Variants in GRM8 observed in about 807,000 individuals in gnomAD.
GRM8 encodes metabotropic glutamate receptor 8.
In GRM8, 47 loss-of-function variants were observed where a neutral mutation model predicts 87.2. That is an observed-to-expected ratio of 0.54 (90% CI 0.43 to 0.69). The LOEUF (loss-of-function observed/expected upper bound fraction) is 0.69, where lower values mean the gene tolerates loss of function less well. GRM8 is among the 30% of genes least tolerant of loss of function. GRM8 has a pLI of 0.00. For synonymous variants in GRM8, 396 were observed against 404.5 expected, an observed-to-expected ratio of 0.98 and a Z score of 0.25; for missense variants, 1,019 against 1,139.2, an observed-to-expected ratio of 0.89 and a Z score of 1.52.
intron 3 of GRM8, among the ~76,000 whole-genome samples, chr7:126,939,611 G>A (rs1438015454): frequency 6.6e-6 from 1 of 152,116 alleles, no homozygotes; most frequent in Non-Finnish European, 1.5e-5. Context: ...TAAGAAAATT[G>A]TGCCTGCATG....
At chr7:126,744,644 A>G (rs1181245729) in intron 7 of GRM8, among the ~76,000 whole-genome samples, 2 of 152,070 alleles carry the variant, frequency 1.3e-5, no homozygotes, top group Non-Finnish European at 2.9e-5. Context: ...GAACTGTCTC[A>G]GAAAACTGAA....
At position 126,589,226 on chromosome 7, in the gene GRM8, G is replaced by A. The variant is rs546493504; in HGVS notation, c.1494+20136C>T. On this transcript the variant is annotated intron_variant, in intron 8 of 10. Transcript: ENST00000339582. ...CTCAGCTGGGAGGCTGGTAGCCTGG[G>A]GCAAGTTCTTAGCCCTGCTTGCCCA... Among the ~76,000 whole-genome samples the A allele has an allele frequency of 8.5e-5, 13 of 152,240 alleles. No individual in the cohort carries two copies. In the South Asian group the frequency reaches 2.7e-3, roughly 32 times the overall value.
At chr7:126,886,150 A>G (rs11767521) in intron 6 of GRM8, among the ~76,000 whole-genome samples, 13,963 of 152,168 alleles carry the variant, frequency 0.092, 683 homozygotes, top group Middle Eastern at 0.16. Context: ...TATTGAAGAT[A>G]GGGGTCATTT....
chr7:127,232,552 T>C (rs1172392382), intron 2 of GRM8, among the ~76,000 whole-genome samples: 2 of 152,198 alleles, frequency 1.3e-5, no homozygotes, highest in South Asian at 2.1e-4. Context: ...ACCTGGCCCA[T>C]CAGTTCTGTT....
Position 127,190,862 on chromosome 7 carries a change from A to G in GRM8, c.510+51833T>C, listed in dbSNP as rs181618522. Among the ~76,000 whole-genome samples the G allele has an allele frequency of 1.8e-3, 274 of 152,280 alleles. 1 individual carries two copies. The highest frequency in any genetic ancestry group is 6.1e-3 in the African/African-American group (254 of 41,564). On this transcript the variant is annotated intron_variant, in intron 2 of 10. Coordinates refer to ENST00000339582, the MANE Select transcript of GRM8 (RefSeq NM_000845.3). ...TAAATATTAGCTTGAGGTAAAAAAAATCATGCTGTGAATGAATTGATTTCT... is the reference window on the plus strand; with the variant it reads ...TAAATATTAGCTTGAGGTAAAAAAAGTCATGCTGTGAATGAATTGATTTCT...
At chr7:126,736,048 G>A (rs1483768937) in intron 7 of GRM8, among the ~76,000 whole-genome samples, 1 of 152,030 alleles carries the variant, frequency 6.6e-6, no homozygotes, top group Non-Finnish European at 1.5e-5. Flanking sequence ...GAAGGCTGAT[G>A]TAAGCTCTGG....
chr7:126,676,362 A>C (rs948853010), intron 7 of GRM8, among the ~76,000 whole-genome samples: 3 of 152,186 alleles, frequency 2.0e-5, no homozygotes, highest in Admixed American at 6.5e-5. Flanking sequence ...TTTTCACAGA[A>C]CTAAAAAATA....
chr7:126,703,815 G>GC (rs1810202246), intron 7 of GRM8, among the ~76,000 whole-genome samples: 1 of 152,062 alleles, frequency 6.6e-6, no homozygotes, highest in Admixed American at 6.6e-5. Flanking sequence ...TCCAGCCTTG[G>GC]CCCCCCAGCG....
At chr7:126,450,411 C>T (rs879801432) in intron 9 of GRM8, among the ~76,000 whole-genome samples, 15 of 151,734 alleles carry the variant, frequency 9.9e-5, no homozygotes, top group African/African-American at 3.6e-4. Flanking sequence ...TTAATCTTAC[C>T]ACTTTGTTTT....
At chr7:126,792,345 T>A (rs934892674) in intron 6 of GRM8, among the ~76,000 whole-genome samples, 1 of 152,218 alleles carries the variant, frequency 6.6e-6, no homozygotes, top group Non-Finnish European at 1.5e-5. Flanking sequence ...GTGGTCTCTG[T>A]ACTAGCAACA....
chr7:126,787,176 T>C (rs570257153), intron 6 of GRM8, among the ~76,000 whole-genome samples: 1 of 152,340 alleles, frequency 6.6e-6, no homozygotes, highest in South Asian at 2.1e-4. Context: ...TGACTGATAA[T>C]GCCCGGGTGT....
chr7:126,682,731 C>T (rs539050522), intron 7 of GRM8, among the ~76,000 whole-genome samples: 1 of 152,300 alleles, frequency 6.6e-6, no homozygotes, highest in African/African-American at 2.4e-5. Flanking sequence ...CAAAGCTTAA[C>T]ATATTTATTA....
At chr7:126,938,151 A>G (rs1364464170) in intron 3 of GRM8, among the ~76,000 whole-genome samples, 1 of 152,144 alleles carries the variant, frequency 6.6e-6, no homozygotes, top group Non-Finnish European at 1.5e-5. Context: ...CATGTTTATA[A>G]AGGAAATTTT....
intron 9 of GRM8, among the ~76,000 whole-genome samples, chr7:126,475,542 A>C (rs1386970261): frequency 6.6e-6 from 1 of 152,174 alleles, no homozygotes; most frequent in Non-Finnish European, 1.5e-5. Context: ...CATACTATCC[A>C]ACATGATCTA....
intron 2 of GRM8, among the ~76,000 whole-genome samples, chr7:127,224,437 A>C (rs1797180629): frequency 6.6e-6 from 1 of 152,208 alleles, no homozygotes; most frequent in Non-Finnish European, 1.5e-5. Context: ...TCAATCCAAA[A>C]TTCTATATCC....
chr7:126,713,896 C>G lies in GRM8; in HGVS notation c.1357+55969G>C, dbSNP rs141519618. ...TACACCTTGAATATATTCAATCTTT[C>G]TTAATTAAACATTTTTAAATTAAAT... On this transcript the variant is annotated intron_variant, in intron 7 of 10. Coordinates refer to ENST00000339582, the MANE Select transcript of GRM8 (RefSeq NM_000845.3). Among the ~76,000 whole-genome samples the G allele has an allele frequency of 2.8e-3, 430 of 151,836 alleles. 7 individuals are homozygous for G. The highest frequency in any genetic ancestry group is 9.9e-3 in the African/African-American group (409 of 41,376).
intron 6 of GRM8, among the ~76,000 whole-genome samples, chr7:126,861,985 T>G (rs573182060): frequency 6.6e-6 from 1 of 151,934 alleles, no homozygotes; most frequent in African/African-American, 2.4e-5. Flanking sequence ...TTTGTTTGGG[T>G]TTTGTTTGTT....
Position 127,106,583 on chromosome 7 carries a change from C to T in GRM8, c.640G>A (p.Gly214Arg). ...QAMVDIVTALGWNYVSTLASE... is the reference protein window; with the variant it reads ...QAMVDIVTALRWNYVSTLASE... The stretch of plus-strand genomic sequence containing the variant: ...GCCAGTGTCGAAACATAATTCCATC[C>T]CAGTGCTGTCACGATGTCCACCATG... Residue 214 changes from glycine to arginine, a missense_variant, in exon 3 of 11, where the codon GGA (glycine) becomes AGA (arginine). Coordinates refer to ENST00000339582, the MANE Select transcript of GRM8 (RefSeq NM_000845.3). 2 of 1,614,098 alleles carry T rather than the reference C, an allele frequency of 1.2e-6. No homozygotes were observed. The highest frequency in any genetic ancestry group is 8.5e-7 in the Non-Finnish European group (1 of 1,180,008).
intron 6 of GRM8, among the ~76,000 whole-genome samples, chr7:126,784,691 T>C (rs1320749779): frequency 6.6e-6 from 1 of 152,194 alleles, no homozygotes; most frequent in Non-Finnish European, 1.5e-5. Context: ...GTTGGACAGA[T>C]TGTTACATAA....
Sources: gnomAD v4.1 joint callset for allele counts (sites outside exome capture counted in the v4.1 genomes callset) on GRCh38, gnomAD v4.1.1 for gene constraint, MANE v1.5 for transcripts, NCBI Gene and HGNC (gene_info 2026-07-23, HGNC 2026-07-21) for gene names.